The following IL34 variants were observed in gnomAD, a reference collection of about 807,000 sequenced individuals.
IL34 encodes the protein interleukin 34.
A neutral mutation model predicts 25.3 loss-of-function variants in IL34; 17 were observed. The ratio of observed to expected loss-of-function variants is 0.67; its 90% CI spans 0.46 to 1.01. IL34 has a LOEUF of 1.01. Among genes scored for constraint, IL34 ranks in the 50% least tolerant of loss-of-function variants. The pLI is 0.00. For missense variants in IL34, 368 were observed against 312.9 expected, an observed-to-expected ratio of 1.18 and a Z score of -1.33; for synonymous variants, 174 against 140.9, an observed-to-expected ratio of 1.23 and a Z score of -1.66.
At chr16:70,592,381 C>T (rs1008735021) in intron 1 of IL34, among the ~76,000 whole-genome samples, 6 of 152,146 alleles carry the variant, frequency 3.9e-5, no homozygotes, top group Non-Finnish European at 5.9e-5. Context: ...CCCCTCCTCT[C>T]TCTGCCCATG....
At chr16:70,599,265 G>A (rs1369276211) in intron 1 of IL34, among the ~76,000 whole-genome samples, 1 of 139,076 alleles carries the variant, frequency 7.2e-6, no homozygotes, top group Non-Finnish European at 1.5e-5. Context: ...GTCAAGAACT[G>A]TTTCTTTCTT....
chr16:70,616,809 G>GGTATTTTTA (rs1555503802), intron 1 of IL34, among the ~76,000 whole-genome samples: 5 of 152,124 alleles, frequency 3.3e-5, no homozygotes, highest in South Asian at 2.1e-4. Flanking sequence ...ATCAGTTAAG[G>GGTATTTTTA]CTATTTTTAC....
At chr16:70,636,962 T>C (rs922179261) in intron 1 of IL34, among the ~76,000 whole-genome samples, 11 of 151,786 alleles carry the variant, frequency 7.2e-5, no homozygotes, top group African/African-American at 2.4e-4. Flanking sequence ...TCACTGCAAG[T>C]TCCGCCTCCC....
chr16:70,596,713 T>C (rs1258536435), intron 1 of IL34, among the ~76,000 whole-genome samples: 1 of 152,196 alleles, frequency 6.6e-6, no homozygotes, highest in Non-Finnish European at 1.5e-5. Flanking sequence ...CTTATAGTAA[T>C]GGTAGCTTAC....
At chr16:70,618,709 G>A (rs2051214297) in intron 1 of IL34, among the ~76,000 whole-genome samples, 1 of 152,160 alleles carries the variant, frequency 6.6e-6, no homozygotes, top group African/African-American at 2.4e-5. Context: ...TTTGTAGAAG[G>A]TGCTGGGGTT....
In IL34 at chr16:70,627,182, C is replaced by T. The variant is rs367998482; in HGVS notation, c.-400-19366C>T. Reference sequence around the variant, plus strand: ...GATGTTCTTCCCCTTATATGTTGAGCTCTTTCAGGCTATTCTTGCTCATTT... The same window carrying T: ...GATGTTCTTCCCCTTATATGTTGAGTTCTTTCAGGCTATTCTTGCTCATTT... On this transcript the variant is annotated intron_variant, in intron 1 of 6. Transcript: ENST00000429149. Among the ~76,000 whole-genome samples, 40 of 152,228 alleles carry T rather than the reference C, an allele frequency of 2.6e-4. No individual in the cohort carries two copies. In the South Asian group the frequency reaches 8.3e-3, roughly 32 times the overall value.
chr16:70,646,927 A>G lies in IL34; in HGVS notation c.-21A>G. 6.8e-7 allele frequency: 1 copy of G among 1,479,854 alleles called. No homozygotes were observed. The highest frequency in any genetic ancestry group is 8.9e-7 in the Non-Finnish European group (1 of 1,120,166). The allele number at this position is 1,479,854 out of a possible 1,614,324, so 91.7% of individuals were successfully genotyped here. On this transcript the variant is annotated 5_prime_UTR_variant, in exon 1 of 6. Transcript: ENST00000288098. ...TGCTGGGGACGGCGCCTGAGCTCTC[A>G]GGGGGACGAGGAACACCACCATGCC... is the stretch of plus-strand genomic sequence containing the variant.
chr16:70,620,446 T>C (rs992618921), intron 1 of IL34, among the ~76,000 whole-genome samples: 20 of 82,536 alleles, frequency 2.4e-4, no homozygotes, highest in African/African-American at 4.2e-4. Flanking sequence ...GGAGGGGAGG[T>C]GATAAAAAGA....
At chr16:70,644,825 A>C (rs79182982), upstream of IL34, among the ~76,000 whole-genome samples, 1 of 136,972 alleles carries the variant, frequency 7.3e-6, no homozygotes, top group Non-Finnish European at 1.6e-5. Context: ...GGAAGGGAGG[A>C]GGAAGGAGGA....
At chr16:70,639,693 G>T (rs963999433) in intron 1 of IL34, among the ~76,000 whole-genome samples, 2 of 152,184 alleles carry the variant, frequency 1.3e-5, no homozygotes, top group Non-Finnish European at 2.9e-5. Flanking sequence ...GGTGACTCAC[G>T]CCTCTAATCC....
intron 1 of IL34, among the ~76,000 whole-genome samples, chr16:70,633,596 G>A (rs1233748572): frequency 6.6e-6 from 1 of 151,930 alleles, no homozygotes; most frequent in Non-Finnish European, 1.5e-5. Flanking sequence ...TCAGGTGGGT[G>A]GTATAGTAGT....
rs1374577671 is a variant in IL34 at position 70,654,643 on chromosome 16, T to G, written c.134T>G (p.Leu45Arg). 2 of 1,612,702 alleles carry G rather than the reference T, an allele frequency of 1.2e-6. No individual in the cohort carries two copies. The highest frequency in any genetic ancestry group is 3.3e-5 in the Admixed American group (2 of 59,916). Residue 45 changes from leucine to arginine, a missense_variant, in exon 2 of 6, where the codon CTG becomes CGG. Physicochemically the swap from Leu to Arg is moderately radical, Grantham distance 102. Coordinates refer to ENST00000288098, the MANE Select transcript of IL34 (RefSeq NM_001393494.1). The stretch of plus-strand genomic sequence containing the variant: ...GTCACGGGTTTTCTGCGGGACAAGC[T>G]GCAGTACAGGAGCCGACTTCAGTAC... ...CTVTGFLRDK[L>R]QYRSRLQYMK... is the part of the protein sequence containing the mutation.
intron 1 of IL34, among the ~76,000 whole-genome samples, chr16:70,616,141 G>T (rs1023959919): frequency 6.6e-6 from 1 of 152,144 alleles, no homozygotes. Context: ...TATCACAGAC[G>T]CTGATGAGAT....
intron 1 of IL34, among the ~76,000 whole-genome samples, chr16:70,604,815 G>A (rs1433070941): frequency 6.6e-6 from 1 of 152,192 alleles, no homozygotes; most frequent in East Asian, 1.9e-4. Context: ...CCGAGGGCCT[G>A]GGGACACAGA....
chr16:70,593,822 T>C (rs1240751492), intron 1 of IL34, among the ~76,000 whole-genome samples: 1 of 152,218 alleles, frequency 6.6e-6, no homozygotes, highest in African/African-American at 2.4e-5. Context: ...CTAGTGTACC[T>C]GGCAATATCT....
At chr16:70,618,501 A>G (rs2051210215) in intron 1 of IL34, among the ~76,000 whole-genome samples, 2 of 152,224 alleles carry the variant, frequency 1.3e-5, no homozygotes, top group African/African-American at 4.8e-5. Context: ...AGAAATGTAG[A>G]GAGTGAGTTG....
chr16:70,652,562 A>G (rs968897133), intron 1 of IL34, among the ~76,000 whole-genome samples: 1 of 152,218 alleles, frequency 6.6e-6, no homozygotes, highest in African/African-American at 2.4e-5. Context: ...AAGCATATCT[A>G]ATTGTTCTCA....
rs77101515 is a variant in IL34, at chr16:70,605,969, GTTT to G, written c.-401+25941_-401+25943del. Among the ~76,000 whole-genome samples the G allele has an allele frequency of 3.4e-3, 420 of 123,192 alleles. 2 individuals carry two copies. Among genetic ancestry groups the G allele is most frequent in the African/African-American group, 0.011 (344 of 32,144 alleles). The allele number at this position is 123,192 out of a possible 152,430, so 80.8% of individuals were successfully genotyped here. A position where few individuals can be genotyped will look rare whatever the true frequency, so the allele number is the denominator to read the frequency against. On this transcript the variant is annotated intron_variant, in intron 1 of 6. Coordinates refer to the IL34 transcript ENST00000429149. ...TTACAGGCGTGAGCCACCGCACCTG[GTTT>G]TTTTTTTTTTTTTTTTTTTTAACAA...
rs546028454 is a variant in IL34, at chr16:70,593,879, G to A, written c.-401+13830G>A. 2.6e-4 allele frequency among the ~76,000 whole-genome samples: 40 copies of A among 152,154 alleles called. 1 individual carries two copies. The highest frequency in any genetic ancestry group is 2.3e-3 in the South Asian group (11 of 4,816). ...ATGATCAATCATTCCAGCACCATTT[G>A]TTGGAAAGACTATCCTTTTTCCATT... On this transcript the variant is annotated intron_variant, in intron 1 of 6. Transcript: ENST00000429149.
Sources: allele counts gnomAD v4.1 joint callset (sites outside exome capture counted in the v4.1 genomes callset), GRCh38; gene constraint gnomAD v4.1.1; transcripts MANE v1.5; gene names NCBI Gene and HGNC (gene_info 2026-07-23, HGNC 2026-07-21).